The following GTF2A1L variants were observed in gnomAD, a reference collection of about 807,000 sequenced individuals.
GTF2A1L encodes TFIIA-alpha and beta-like factor.
In GTF2A1L, 48 loss-of-function variants were observed where a neutral mutation model predicts 49.7. That is an observed-to-expected ratio of 0.97 (90% CI 0.77 to 1.23). The LOEUF is 1.23. Among genes scored for constraint, GTF2A1L ranks in the 50% most tolerant of loss-of-function variants. The pLI, the probability that GTF2A1L is intolerant of heterozygous loss-of-function variation, is 0.00. For synonymous variants in GTF2A1L, 246 were observed against 193.5 expected (o/e 1.27, Z -2.25); for missense variants, 736 against 564.8 (o/e 1.30, Z -3.07).
intron 6 of GTF2A1L, among the ~76,000 whole-genome samples, chr2:48,651,122 T>C (rs886583994): frequency 2.0e-5 from 3 of 152,118 alleles, no homozygotes; most frequent in African/African-American, 7.2e-5. Flanking sequence ...CTTATTGTAC[T>C]ACCCAGTCAC....
intron 8 of GTF2A1L, among the ~76,000 whole-genome samples, chr2:48,675,442 A>C (rs2104322811): frequency 6.6e-6 from 1 of 152,224 alleles, no homozygotes; most frequent in African/African-American, 2.4e-5. Flanking sequence ...TTTAGAGATT[A>C]ACAATTGGGG....
intron 6 of GTF2A1L, among the ~76,000 whole-genome samples, chr2:48,658,515 T>C (rs1049482734): frequency 2.6e-5 from 4 of 152,154 alleles, no homozygotes; most frequent in Non-Finnish European, 4.4e-5. Context: ...CCTTATAATA[T>C]GGGTTGAAGT....
At chr2:48,679,188 A>G (rs1375421033) in intron 8 of GTF2A1L, 147 bp from the exon 9 acceptor site, 4 of 1,018,772 alleles carry the variant, frequency 3.9e-6, no homozygotes, top group African/African-American at 1.6e-5. Context: ...TCAAATGTTT[A>G]TGGAATAAAC....
Position 48,620,952 on chromosome 2 carries a change from G to C in GTF2A1L, c.123G>C (p.Gln41His), listed in dbSNP as rs762985998. The C allele has an allele frequency of 6.3e-7, 1 of 1,593,912 alleles. No homozygotes were observed. Among genetic ancestry groups the C allele is most frequent in the Non-Finnish European group, 8.5e-7 (1 of 1,174,310 alleles). ...IEEQVLKDLK[Q>H]LWETKVLQSK... Reference sequence around the variant, plus strand: ...AACAAGTTTTAAAAGACTTGAAGCAGGTTTGTAGCCGATACAACTTTTTCT... The same window carrying C: ...AACAAGTTTTAAAAGACTTGAAGCACGTTTGTAGCCGATACAACTTTTTCT... Residue 41 changes from glutamine to histidine, a missense_variant and splice_region_variant, in exon 2 of 9, where the codon CAG becomes CAC. Coordinates refer to ENST00000403751, the MANE Select transcript of GTF2A1L (RefSeq NM_006872.5).
chr2:48,660,398 G>T (rs992573890), intron 6 of GTF2A1L, among the ~76,000 whole-genome samples: 2 of 151,962 alleles, frequency 1.3e-5, no homozygotes, highest in Non-Finnish European at 2.9e-5. Context: ...AAGACATTTG[G>T]TTCTGGATTT....
At chr2:48,669,392 G>C (rs1013783189) in intron 6 of GTF2A1L, among the ~76,000 whole-genome samples, 2 of 152,056 alleles carry the variant, frequency 1.3e-5, no homozygotes, top group Non-Finnish European at 2.9e-5. Context: ...ACTGTTTAAA[G>C]TCAAATGAAA....
intron 3 of GTF2A1L, among the ~76,000 whole-genome samples, chr2:48,623,716 A>G (rs1195138620): frequency 6.6e-6 from 1 of 152,214 alleles, no homozygotes; most frequent in Non-Finnish European, 1.5e-5. Context: ...TATACCATGG[A>G]ATACTATGCA....
chr2:48,630,352 C>G (rs192697515), intron 3 of GTF2A1L, among the ~76,000 whole-genome samples: 2 of 143,400 alleles, frequency 1.4e-5, no homozygotes, highest in East Asian at 3.9e-4. Context: ...TAGATGCGTT[C>G]CTAGGTATTT....
Position 48,624,457 on chromosome 2 carries a change from G to C in GTF2A1L, c.247+3167G>C, listed in dbSNP as rs968346420. Among the ~76,000 whole-genome samples the C allele has an allele frequency of 3.5e-3, 236 of 66,908 alleles. 38 individuals are homozygous for C. The highest frequency in any genetic ancestry group is 0.011 in the South Asian group (13 of 1,224). 43.9% of individuals were successfully genotyped at this position (66,908 alleles called of 152,430 possible). On this transcript the variant is annotated intron_variant, in intron 3 of 8. Coordinates refer to ENST00000403751, the MANE Select transcript of GTF2A1L (RefSeq NM_006872.5). The stretch of plus-strand genomic sequence containing the variant: ...TGTAAGGTGTTCACCATAGTGCTTT[G>C]ATATAGATAGATAGATAGATAGATA...
In GTF2A1L at chr2:48,656,466, A is replaced by G. The variant is rs141684224; in HGVS notation, c.978+9424A>G. Among the ~76,000 whole-genome samples the G allele has an allele frequency of 5.2e-3, 708 of 135,054 alleles. 2 individuals carry two copies. The highest frequency in any genetic ancestry group is 8.0e-3 in the Non-Finnish European group (511 of 63,662). The allele number at this position is 135,054 out of a possible 152,430, so 88.6% of individuals were successfully genotyped here. A position where few individuals can be genotyped will look rare whatever the true frequency, so the allele number is the denominator to read the frequency against. On this transcript the variant is annotated intron_variant, in intron 6 of 8. Transcript: ENST00000403751. Reference sequence around the variant, plus strand: ...AATTAGTGATGTTGAACATTGTTTTATGTTCTTCTGGCCACTTGTATGCAT... The same window carrying G: ...AATTAGTGATGTTGAACATTGTTTTGTGTTCTTCTGGCCACTTGTATGCAT...
intron 3 of GTF2A1L, among the ~76,000 whole-genome samples, chr2:48,622,058 T>C (rs957933222): frequency 6.6e-6 from 1 of 152,228 alleles, no homozygotes; most frequent in African/African-American, 2.4e-5. Context: ...CAGAGTAGTC[T>C]GCAAGAAGTG....
Position 48,620,932 on chromosome 2 carries a change from G to A in GTF2A1L, c.103G>A (p.Val35Ile), listed in dbSNP as rs978521047. 1 of 1,599,880 alleles carries A rather than the reference G, an allele frequency of 6.3e-7. No individual in the cohort carries two copies. The highest frequency in any genetic ancestry group is 2.2e-5 in the East Asian group (1 of 44,498). ...TGCTGAAGAAGGTATAGAGGAACAA[G>A]TTTTAAAAGACTTGAAGCAGGTTTG... Reference protein sequence around the residue: ...LFAEEGIEEQVLKDLKQLWET... With the variant: ...LFAEEGIEEQILKDLKQLWET... The change falls in exon 2 of 9, where the codon GTT (valine) becomes ATT (isoleucine). Residue 35 changes from valine (V) to isoleucine (I), a missense_variant. By Grantham distance (29) the Val-to-Ile change is conservative. Coordinates refer to ENST00000403751, the MANE Select transcript of GTF2A1L (RefSeq NM_006872.5).
chr2:48,655,959 C>CA (rs1023495770), intron 6 of GTF2A1L, among the ~76,000 whole-genome samples: 32 of 152,196 alleles, frequency 2.1e-4, no homozygotes, highest in Admixed American at 6.5e-4. Context: ...TGCCCTTCTT[C>CA]ATTTAGCGTA....
At chr2:48,635,285 T>C (rs1676824378) in intron 3 of GTF2A1L, among the ~76,000 whole-genome samples, 1 of 152,052 alleles carries the variant, frequency 6.6e-6, no homozygotes, top group African/African-American at 2.4e-5. Context: ...ATCAGGCTGT[T>C]AATCAAGGTG....
intron 6 of GTF2A1L, among the ~76,000 whole-genome samples, chr2:48,664,274 T>A (rs1678690194): frequency 6.6e-6 from 1 of 152,052 alleles, no homozygotes; most frequent in African/African-American, 2.4e-5. Context: ...TTTTTTTTTG[T>A]AGATATCCTT....
chr2:48,630,956 C>T (rs958747694), intron 3 of GTF2A1L, among the ~76,000 whole-genome samples: 2 of 152,112 alleles, frequency 1.3e-5, no homozygotes, highest in Non-Finnish European at 2.9e-5. Context: ...AACTTTACAT[C>T]CCAGGAATGA....
chr2:48,660,520 T>C (rs1052456688), intron 6 of GTF2A1L, among the ~76,000 whole-genome samples: 1 of 152,120 alleles, frequency 6.6e-6, no homozygotes, highest in Non-Finnish European at 1.5e-5. Flanking sequence ...TTCTAGGACT[T>C]TGTTAATTTT....
Position 48,618,871 on chromosome 2 carries a change from T to A in GTF2A1L, c.21+976T>A, listed in dbSNP as rs539158371. On this transcript the variant is annotated intron_variant, in intron 1 of 8. Transcript: ENST00000403751. ...AAGAGAAAATATGTTCAATACCTAT[T>A]TTGATTTCTGAAAAACTGTGTTCTA... Among the ~76,000 whole-genome samples, 6 of 152,308 alleles carry A rather than the reference T, an allele frequency of 3.9e-5. No individual in the cohort carries two copies. In the South Asian group the frequency reaches 1.2e-3, roughly 32 times the overall value.
At chr2:48,665,487 T>G (rs894746719) in intron 6 of GTF2A1L, among the ~76,000 whole-genome samples, 1 of 152,088 alleles carries the variant, frequency 6.6e-6, no homozygotes, top group African/African-American at 2.4e-5. Flanking sequence ...GGCACTGCTT[T>G]GGGTACATCT....
Sources: allele counts gnomAD v4.1 joint callset (sites outside exome capture counted in the v4.1 genomes callset), GRCh38; gene constraint gnomAD v4.1.1; transcripts MANE v1.5; gene names NCBI Gene and HGNC (gene_info 2026-07-23, HGNC 2026-07-21).